The following RAB3GAP2 variants were observed in gnomAD, a reference collection of about 807,000 sequenced individuals.
The protein encoded by RAB3GAP2 is RAB3 GTPase activating non-catalytic protein subunit 2.
Under a neutral mutation model 185.3 loss-of-function variants are expected in RAB3GAP2, and 87 were observed. That is an observed-to-expected ratio of 0.47 (90% CI 0.39 to 0.56). The LOEUF is 0.56. RAB3GAP2 is among the 20% of genes least tolerant of loss of function. The pLI is 0.00. For missense variants in RAB3GAP2, 1,492 were observed against 1,638.2 expected, an observed-to-expected ratio of 0.91 and a Z score of 1.54; for synonymous variants, 554 against 576.1, an observed-to-expected ratio of 0.96 and a Z score of 0.55.
At chr1:220,199,809 G>A (rs775295939) in intron 9 of RAB3GAP2, among the ~76,000 whole-genome samples, 29 of 152,018 alleles carry the variant, frequency 1.9e-4, no homozygotes, top group Non-Finnish European at 4.1e-4. Context: ...CCATCCCTGA[G>A]CAAGTACAAA....
At chr1:220,242,355 G>A (rs1659711178) in intron 1 of RAB3GAP2, among the ~76,000 whole-genome samples, 1 of 152,066 alleles carries the variant, frequency 6.6e-6, no homozygotes, top group African/African-American at 2.4e-5. Context: ...TACCAATGCT[G>A]GGGATATAAG....
At chr1:220,229,754 T>C (rs1659465125) in intron 2 of RAB3GAP2, among the ~76,000 whole-genome samples, 1 of 152,164 alleles carries the variant, frequency 6.6e-6, no homozygotes, top group Non-Finnish European at 1.5e-5. Context: ...ACCAGCACTA[T>C]TCTATATATG....
chr1:220,243,848 G>T (rs1012995153), intron 1 of RAB3GAP2, among the ~76,000 whole-genome samples: 1 of 152,044 alleles, frequency 6.6e-6, no homozygotes, highest in South Asian at 2.1e-4. Context: ...TATTAATTAG[G>T]TTACTACCCA....
At chr1:220,260,752 T>C (rs919844206) in intron 1 of RAB3GAP2, among the ~76,000 whole-genome samples, 6 of 151,976 alleles carry the variant, frequency 3.9e-5, no homozygotes, top group African/African-American at 4.8e-5. Context: ...AACTTAAAAG[T>C]TGAAGAAGAA....
intron 26 of RAB3GAP2, 122 bp downstream of exon 26, chr1:220,167,171 G>T: frequency 1.2e-6 from 1 of 848,608 alleles, no homozygotes. Context: ...AGTTAGTACA[G>T]AGGCATTACA....
In RAB3GAP2 at chr1:220,172,825, A is replaced by C. The variant is rs150060767; in HGVS notation, c.2311-83T>G. The C allele has an allele frequency of 8.4e-4, 697 of 828,090 alleles. 6 individuals carry two copies. The African/African-American group carries it at 0.01, about 12-fold the overall frequency. The allele number at this position is 828,090 out of a possible 1,614,324, so 51.3% of individuals were successfully genotyped here. On this transcript the variant is annotated intron_variant, in intron 21 of 34. Transcript: ENST00000358951. ...TTACACTTTCCTAGACAGCAGATGC[A>C]TGCATATGGATGATGCAGCTTCTTG...
intron 2 of RAB3GAP2, among the ~76,000 whole-genome samples, chr1:220,228,842 C>T (rs1659449286): frequency 6.6e-6 from 1 of 152,178 alleles, no homozygotes; most frequent in Non-Finnish European, 1.5e-5. Flanking sequence ...GCAAATCTAT[C>T]AAGACAAAGA....
intron 2 of RAB3GAP2, among the ~76,000 whole-genome samples, chr1:220,232,333 G>A (rs1323682807): frequency 6.6e-6 from 1 of 152,200 alleles, no homozygotes; most frequent in African/African-American, 2.4e-5. Context: ...AGAGTGAATA[G>A]ATTAAGGACG....
intron 1 of RAB3GAP2, 49 bp from the exon 2 acceptor site, chr1:220,232,912 A>G (rs1467722738): frequency 6.6e-7 from 1 of 1,514,916 alleles, no homozygotes; most frequent in Non-Finnish European, 9.2e-7. Flanking sequence ...AGGGCTTTAA[A>G]TATCTTTAAA....
rs142076880 is a variant in RAB3GAP2 at position 220,191,108 on chromosome 1, C to T, written c.1447G>A (p.Gly483Arg). 1 of 1,613,994 alleles carries T rather than the reference C, an allele frequency of 6.2e-7. No homozygotes were observed. The highest frequency in any genetic ancestry group is 8.5e-7 in the Non-Finnish European group (1 of 1,179,956). The stretch of plus-strand genomic sequence containing the variant: ...ACATTGAAAGCTCCTACTCTAGGTC[C>T]CTGCTGTGTGCTCCACACTTCTAAA... ...GILEVWSTQQGPRVGAFNVGK... is the reference protein window; with the variant it reads ...GILEVWSTQQRPRVGAFNVGK... Residue 483 changes from glycine (G) to arginine (R), a missense_variant, in exon 14 of 35, where the codon GGA (glycine) becomes AGA (arginine). By Grantham distance (125) the Gly-to-Arg change is moderately radical. Coordinates refer to ENST00000358951, the MANE Select transcript of RAB3GAP2 (RefSeq NM_012414.4).
intron 2 of RAB3GAP2, among the ~76,000 whole-genome samples, chr1:220,215,396 C>T (rs532494897): frequency 6.6e-6 from 1 of 152,200 alleles, no homozygotes; most frequent in African/African-American, 2.4e-5. Flanking sequence ...GGATCTCTGT[C>T]AATTTAATAG....
intron 1 of RAB3GAP2, chr1:220,267,799 T>G: frequency 1.4e-6 from 2 of 1,428,752 alleles, no homozygotes; most frequent in Non-Finnish European, 2.0e-6. Flanking sequence ...TGGCCACTAT[T>G]TGCAGGTAAT....
chr1:220,224,698 A>T (rs1201615917), intron 2 of RAB3GAP2, among the ~76,000 whole-genome samples: 1 of 152,134 alleles, frequency 6.6e-6, no homozygotes, highest in Non-Finnish European at 1.5e-5. Flanking sequence ...CCTCCAAAAA[A>T]CAAATGAACA....
At chr1:220,244,508 T>A (rs1659760468) in intron 1 of RAB3GAP2, among the ~76,000 whole-genome samples, 1 of 152,080 alleles carries the variant, frequency 6.6e-6, no homozygotes, top group Admixed American at 6.5e-5. Context: ...TCAATGCAAT[T>A]TCCATCAAAA....
chr1:220,190,638 C>T, intron 14 of RAB3GAP2, 118 bp from the exon 15 acceptor site: 1 of 988,454 alleles, frequency 1.0e-6, no homozygotes. Flanking sequence ...ATTAATAAGG[C>T]AACTAAATAC....
At chr1:220,178,236 C>T (rs1334575881) in intron 21 of RAB3GAP2, among the ~76,000 whole-genome samples, 12 of 151,912 alleles carry the variant, frequency 7.9e-5, no homozygotes, top group Admixed American at 2.0e-4. Context: ...AAAGATTTCC[C>T]GAGACAAACG....
At chr1:220,177,615 A>C (rs2102862526) in intron 21 of RAB3GAP2, among the ~76,000 whole-genome samples, 1 of 152,304 alleles carries the variant, frequency 6.6e-6, no homozygotes, top group East Asian at 1.9e-4. Flanking sequence ...TGAAATACTA[A>C]TGAAAAAAAT....
intron 21 of RAB3GAP2, among the ~76,000 whole-genome samples, chr1:220,179,244 C>CAAAAAAA (rs71169437): frequency 7.0e-5 from 4 of 56,812 alleles, no homozygotes; most frequent in Admixed American, 2.1e-4. Context: ...GAGACTGTCT[C>CAAAAAAA]AAAAAAAAAA....
intron 28 of RAB3GAP2, among the ~76,000 whole-genome samples, chr1:220,161,516 A>G (rs1468210463): frequency 6.6e-6 from 1 of 152,124 alleles, no homozygotes; most frequent in Admixed American, 6.5e-5. Flanking sequence ...GTTGAGTTCT[A>G]TGCTTATATG....
Sources: allele counts gnomAD v4.1 joint callset (sites outside exome capture counted in the v4.1 genomes callset), GRCh38; gene constraint gnomAD v4.1.1; transcripts MANE v1.5; gene names NCBI Gene and HGNC (gene_info 2026-07-23, HGNC 2026-07-21).